CSF3R: variants seen among roughly 807,000 people sequenced by gnomAD.
CSF3R encodes colony stimulating factor 3 receptor, also known as granulocyte colony-stimulating factor receptor.
Under a neutral mutation model 84.4 loss-of-function variants are expected in CSF3R, and 52 were observed. The ratio of observed to expected loss-of-function variants is 0.62; its 90% CI spans 0.49 to 0.78. The LOEUF (loss-of-function observed/expected upper bound fraction) is 0.78. Among genes scored for constraint, CSF3R ranks in the 30% least tolerant of loss-of-function variants. CSF3R has a pLI of 0.00. For synonymous variants in CSF3R, 384 were observed against 429.1 expected, an observed-to-expected ratio of 0.89 and a Z score of 1.30; for missense variants, 890 against 1,055.7, an observed-to-expected ratio of 0.84 and a Z score of 2.17.
At chr1:36,479,088 T>C in intron 3 of CSF3R, 4 of 391,342 alleles carry the variant, frequency 1.0e-5, no homozygotes, top group South Asian at 8.8e-5. Context: ...GGATGAAACC[T>C]GTCCCCTTGT....
At position 36,472,248 on chromosome 1, in the gene CSF3R, A is replaced by G. The variant is rs1301960163; in HGVS notation, c.987T>C (p.Thr329=). ...TCATCACCTCCTTACCCCGTTCGGTAGTTCTCAGCTCCAGGCTGGGGCTCC... is the reference window on the plus strand; with the variant it reads ...TCATCACCTCCTTACCCCGTTCGGTGGTTCTCAGCTCCAGGCTGGGGCTCC... ...SDWSPSLELR[T]TERAPTVRLD... The change falls in exon 8 of 17, where the codon ACT becomes ACC. Residue 329 remains threonine (T), a synonymous_variant. Coordinates refer to ENST00000373106, the MANE Select transcript of CSF3R (RefSeq NM_000760.4). The surrounding 1 kb of genome is among the most constrained non-coding windows in gnomAD (Gnocchi z 5.0). The G allele has an allele frequency of 6.2e-7, 1 of 1,614,144 alleles. No homozygotes were observed. Among genetic ancestry groups the G allele is most frequent in the Non-Finnish European group, 8.5e-7 (1 of 1,180,014 alleles).
At chr1:36,482,399 A>G (rs1651585660) in intron 1 of CSF3R, among the ~76,000 whole-genome samples, 2 of 152,176 alleles carry the variant, frequency 1.3e-5, no homozygotes, top group South Asian at 4.2e-4. Flanking sequence ...GAGACAGAGA[A>G]ACTCAGAGAG....
intron 4 of CSF3R, 46 bp from the exon 5 acceptor site, chr1:36,473,933 C>G: frequency 6.2e-7 from 1 of 1,612,652 alleles, no homozygotes; most frequent in Middle Eastern, 1.8e-4. Context: ...TGGGACCACT[C>G]AGAAAGCTTC....
chr1:36,471,775 C>T (rs373866045), intron 9 of CSF3R, 129 bp from the exon 10 acceptor site: 1 of 920,506 alleles, frequency 1.1e-6, no homozygotes, highest in African/African-American at 1.7e-5. Flanking sequence ...TTCTCACCCC[C>T]CTCCCCTTTT....
At position 36,471,430 on chromosome 1, in the gene CSF3R, T is replaced by C. The variant is rs779863617; in HGVS notation, c.1285+3A>G. Reference sequence around the variant, plus strand: ...TGCTCTTCTGGCTGCCAGCCCCCTTTACCTCTGCTTTCTGAGAAGACCACC... The same window carrying C: ...TGCTCTTCTGGCTGCCAGCCCCCTTCACCTCTGCTTTCTGAGAAGACCACC... On this transcript the variant is annotated splice_donor_region_variant and intron_variant, in intron 10 of 16. Coordinates refer to ENST00000373106, the MANE Select transcript of CSF3R (RefSeq NM_000760.4). The C allele has an allele frequency of 2.7e-5, 44 of 1,613,656 alleles. No homozygotes were observed. The highest frequency in any genetic ancestry group is 3.6e-5 in the Non-Finnish European group (42 of 1,179,688).
intron 4 of CSF3R, among the ~76,000 whole-genome samples, chr1:36,474,390 C>CTTTTTTTTTT (rs911099378): frequency 1.2e-5 from 1 of 86,274 alleles, no homozygotes; most frequent in African/African-American, 5.1e-5. Context: ...ATTACTGGTG[C>CTTTTTTTTTT]TTTTTTTTTT....
Position 36,467,292 on chromosome 1 carries a change from G to C in CSF3R, c.1978C>G (p.Pro660Ala), listed in dbSNP as rs780354809. 1.1e-5 allele frequency: 18 copies of C among 1,614,106 alleles called. No individual in the cohort carries two copies. The South Asian group carries it at 2.0e-4, about 18-fold the overall frequency. ...CSPNRKNPLW[P>A]SVPDPAHSSL... ...CTGTGAGCTGGGTCTGGGACACTTG[G>C]CCAGAGGGGATTCTTCCTGCTGGAG... The change falls in exon 16 of 17, where the codon CCA becomes GCA. Residue 660 changes from proline (P) to alanine (A), a missense_variant. Coordinates refer to ENST00000373106, the MANE Select transcript of CSF3R (RefSeq NM_000760.4). The surrounding 1 kb of genome is among the most constrained non-coding windows in gnomAD (Gnocchi z 4.1).
At position 36,473,835 on chromosome 1, in the gene CSF3R, G is replaced by T; in HGVS notation, c.414C>A (p.Ser138Arg). Residue 138 changes from serine (S) to arginine (R), a missense_variant, in exon 5 of 17, where the codon AGC (serine) becomes AGA (arginine). Ser to Arg is a moderately radical substitution (Grantham distance 110). Transcript: ENST00000373106. ...NLSCLMNLTT[S>R]SLICQWEPGP... ...CTGGCTCCCACTGGCAGATGAGGCT[G>T]CTGGTTGTGAGGTTCATGAGGCAGG... 6.2e-7 allele frequency: 1 copy of T among 1,614,278 alleles called. No individual in the cohort carries two copies. Among genetic ancestry groups the T allele is most frequent in the Non-Finnish European group, 8.5e-7 (1 of 1,180,052 alleles).
At chr1:36,478,005 G>A (rs931554205) in intron 3 of CSF3R, among the ~76,000 whole-genome samples, 11 of 151,734 alleles carry the variant, frequency 7.2e-5, no homozygotes, top group Non-Finnish European at 1.6e-4. Context: ...TGATCCACCC[G>A]CCTAGGCCTC....
At chr1:36,480,530 C>T (rs1353877012) in intron 2 of CSF3R, among the ~76,000 whole-genome samples, 9 of 152,188 alleles carry the variant, frequency 5.9e-5, no homozygotes, top group Non-Finnish European at 1.3e-4. Flanking sequence ...CTCATCTTCA[C>T]CCTGCTCCCA....
intron 1 of CSF3R, chr1:36,481,850 GC>G: frequency 6.5e-6 from 1 of 152,942 alleles, no homozygotes; most frequent in Non-Finnish European, 1.5e-5. Flanking sequence ...TAACTCCTGG[GC>G]CCCCTGGCCC....
chr1:36,472,457 CG>C lies in CSF3R; in HGVS notation c.843+59del. ...GGCCATTCTAGGGCCAGCTCGAGCC[CG>C]ACTTACCCTGCCCCCTGCCCCCACC... On this transcript the variant is annotated intron_variant, in intron 7 of 16. Coordinates refer to ENST00000373106, the MANE Select transcript of CSF3R (RefSeq NM_000760.4). The surrounding 1 kb of genome is among the most constrained non-coding windows in gnomAD (Gnocchi z 5.0). 1.2e-6 allele frequency: 2 copies of C among 1,613,880 alleles called. No individual in the cohort carries two copies. The highest frequency in any genetic ancestry group is 1.7e-6 in the Non-Finnish European group (2 of 1,179,912).
rs1165874570 is a variant in CSF3R at position 36,472,810 on chromosome 1, G to A, written c.674-124C>T. On this transcript the variant is annotated intron_variant, in intron 6 of 16. Coordinates refer to ENST00000373106, the MANE Select transcript of CSF3R (RefSeq NM_000760.4). This position sits in a 1 kb window ranked among gnomAD's most constrained non-coding sequence, Gnocchi z 5.0. ...CACGTTGCCAATGACACGTTTCTGT[G>A]GTTCGATCTCTATGTGTCTTTGTTT... The A allele has an allele frequency of 6.1e-5, 72 of 1,181,398 alleles. 1 individual carries two copies. In the South Asian group the frequency reaches 8.3e-4, roughly 14 times the overall value. 73.2% of individuals were successfully genotyped at this position (1,181,398 alleles called of 1,614,324 possible).
Position 36,471,562 on chromosome 1 carries a change from G to A in CSF3R, c.1156C>T (p.Pro386Ser), listed in dbSNP as rs1650737288. ...RPSGQAGAIL[P>S]LCNTTELSCT... ...CTGAGCTCTGTGGTGTTGCAGAGGG[G>A]CAGGATGGCCCCAGCCTGGCCTGAG... Residue 386 changes from proline (P) to serine (S), a missense_variant, in exon 10 of 17, where the codon CCC becomes TCC. By Grantham distance (74) the Pro-to-Ser change is moderately conservative. Transcript: ENST00000373106. 6.2e-6 allele frequency: 10 copies of A among 1,614,268 alleles called. No individual in the cohort carries two copies. The highest frequency in any genetic ancestry group is 3.3e-4 in the Middle Eastern group (2 of 6,062).
chr1:36,470,935 G>A (rs1044808905), intron 10 of CSF3R, among the ~76,000 whole-genome samples: 1 of 152,188 alleles, frequency 6.6e-6, no homozygotes, highest in African/African-American at 2.4e-5. Flanking sequence ...CCATGGCACC[G>A]CTCAGTAGGT....
chr1:36,468,944 G>A, intron 12 of CSF3R: 2 of 574,196 alleles, frequency 3.5e-6, no homozygotes, highest in East Asian at 5.9e-5. Context: ...TCCTTGAATT[G>A]TGCCAACTCC....
Position 36,473,857 on chromosome 1 carries a change from C to T in CSF3R, c.392G>A (p.Cys131Tyr), listed in dbSNP as rs777701371. The T allele has an allele frequency of 8.7e-6, 14 of 1,614,066 alleles. No homozygotes were observed. Among genetic ancestry groups the T allele is most frequent in the Non-Finnish European group, 1.0e-5 (12 of 1,180,026 alleles). ...YPPAIPHNLS[C>Y]LMNLTTSSLI... The stretch of plus-strand genomic sequence containing the variant: ...GCTGCTGGTTGTGAGGTTCATGAGG[C>T]AGGAGAGGTTGTGGGGTATGGCTGG... The change falls in exon 5 of 17, where the codon TGC becomes TAC. Residue 131 changes from cysteine (C) to tyrosine (Y), a missense_variant. Coordinates refer to ENST00000373106, the MANE Select transcript of CSF3R (RefSeq NM_000760.4).
At chr1:36,479,546 G>A in intron 2 of CSF3R, 30 bp from the exon 3 acceptor site, 1 of 1,524,346 alleles carries the variant, frequency 6.6e-7, no homozygotes, top group Non-Finnish European at 9.1e-7. Context: ...TTAAGACCAT[G>A]GGCTTTGGAG....
chr1:36,482,334 C>CTGGAG (rs1651579679), intron 1 of CSF3R, among the ~76,000 whole-genome samples: 1 of 151,584 alleles, frequency 6.6e-6, no homozygotes, highest in African/African-American at 2.4e-5. Context: ...GGCCTGGAGC[C>CTGGAG]CGGGAAGCGT....
Sources: allele counts gnomAD v4.1 joint callset (sites outside exome capture counted in the v4.1 genomes callset), GRCh38; gene constraint gnomAD v4.1.1; non-coding constraint Gnocchi (gnomAD v3.1); transcripts MANE v1.5; gene names NCBI Gene and HGNC (gene_info 2026-07-23, HGNC 2026-07-21).